Variants in MACROD2 observed in about 807,000 individuals in gnomAD.
The protein encoded by MACROD2 is ADP-ribose glycohydrolase MACROD2.
Under a neutral mutation model 70.4 loss-of-function variants are expected in MACROD2, and 36 were observed. The observed-to-expected ratio is 0.51, with a 90% CI of 0.39 to 0.68. The LOEUF (loss-of-function observed/expected upper bound fraction) is 0.68, where lower values mean the gene tolerates loss of function less well. Ranked by LOEUF, MACROD2 falls within the 30% of genes least tolerant of loss-of-function variation. MACROD2 has a pLI of 0.00. For missense variants in MACROD2, 496 were observed against 538.4 expected, an observed-to-expected ratio of 0.92 and a Z score of 0.78; for synonymous variants, 172 against 178.8, an observed-to-expected ratio of 0.96 and a Z score of 0.30.
intron 6 of MACROD2, among the ~76,000 whole-genome samples, chr20:15,289,521 G>A (rs549922876): frequency 6.6e-5 from 10 of 152,286 alleles, no homozygotes; most frequent in Non-Finnish European, 1.5e-4. Flanking sequence ...GGTGCACATC[G>A]GGGCTAGAGT....
At chr20:14,781,457 G>C (rs6110431) in intron 5 of MACROD2, among the ~76,000 whole-genome samples, 97,132 of 145,094 alleles carry the variant, frequency 0.67, 32,954 homozygotes, top group African/African-American at 0.73. Context: ...CTTGGTTCTT[G>C]CCTTAGTGAC....
intron 5 of MACROD2, among the ~76,000 whole-genome samples, chr20:15,193,735 C>T (rs2076586869): frequency 6.6e-6 from 1 of 151,822 alleles, no homozygotes; most frequent in Non-Finnish European, 1.5e-5. Flanking sequence ...TCTCATTTCC[C>T]CAGCCCCGCT....
intron 5 of MACROD2, among the ~76,000 whole-genome samples, chr20:14,969,966 T>C (rs1313204573): frequency 6.6e-6 from 1 of 151,564 alleles, no homozygotes; most frequent in Non-Finnish European, 1.5e-5. Flanking sequence ...ATCCTTGTCC[T>C]CTTCCATCAT....
chr20:14,671,409 A>C (rs1020296502), intron 4 of MACROD2, among the ~76,000 whole-genome samples: 1 of 152,166 alleles, frequency 6.6e-6, no homozygotes, highest in Non-Finnish European at 1.5e-5. Context: ...TTAAGGGTCT[A>C]CTGTAAACAT....
At chr20:15,372,153 CCACT>C (rs1395111838) in intron 6 of MACROD2, among the ~76,000 whole-genome samples, 4 of 152,174 alleles carry the variant, frequency 2.6e-5, no homozygotes, top group Non-Finnish European at 4.4e-5. Context: ...AAAGTACTTT[CCACT>C]CACTCACTAG....
chr20:15,592,843 G>A (rs1405533419), intron 8 of MACROD2, among the ~76,000 whole-genome samples: 1 of 152,128 alleles, frequency 6.6e-6, no homozygotes, highest in Admixed American at 6.5e-5. Flanking sequence ...TACAGGCCTA[G>A]GTTCATTTTT....
intron 8 of MACROD2, among the ~76,000 whole-genome samples, chr20:15,784,976 G>A (rs544342768): frequency 6.9e-5 from 10 of 144,932 alleles, no homozygotes; most frequent in South Asian, 4.4e-4. Context: ...GTGAAACCAC[G>A]TCTCTACTAA....
At chr20:15,963,239 A>G (rs1164877861) in intron 12 of MACROD2, among the ~76,000 whole-genome samples, 1 of 152,042 alleles carries the variant, frequency 6.6e-6, no homozygotes, top group Non-Finnish European at 1.5e-5. Context: ...CATTACAGAG[A>G]AAGACTATTT....
Position 15,429,876 on chromosome 20 carries a change from T to C in MACROD2, c.541-1529T>C, listed in dbSNP as rs894995529. On this transcript the variant is annotated intron_variant, in intron 6 of 17. Transcript: ENST00000684519. ...ACTAGGCTTTTAGTGTAACCGTCAC[T>C]CTAACAGTGTACATATACTGTACCC... Among the ~76,000 whole-genome samples, 13 of 152,196 alleles carry C rather than the reference T, an allele frequency of 8.5e-5. No homozygotes were observed. The East Asian group carries it at 2.5e-3, about 29-fold the overall frequency.
chr20:14,243,092 A>G (rs1441028373), intron 3 of MACROD2, among the ~76,000 whole-genome samples: 2 of 152,170 alleles, frequency 1.3e-5, no homozygotes, highest in African/African-American at 4.8e-5. Context: ...CTTTGGAGAT[A>G]TGCTTGAGGA....
chr20:14,186,231 C>T (rs1376830286), intron 3 of MACROD2, among the ~76,000 whole-genome samples: 1 of 152,102 alleles, frequency 6.6e-6, no homozygotes, highest in African/African-American at 2.4e-5. Flanking sequence ...TTAGTTGTTA[C>T]CAGATTAACA....
intron 3 of MACROD2, among the ~76,000 whole-genome samples, chr20:14,128,818 T>G (rs2054684186): frequency 6.6e-6 from 1 of 152,208 alleles, no homozygotes; most frequent in South Asian, 2.1e-4. Context: ...CTGCCTGTGT[T>G]CTATAAGCAG....
intron 6 of MACROD2, among the ~76,000 whole-genome samples, chr20:15,350,407 G>A (rs1208245777): frequency 1.3e-5 from 2 of 152,156 alleles, no homozygotes; most frequent in African/African-American, 4.8e-5. Flanking sequence ...CATAAATAGA[G>A]TCAACTTTTA....
At chr20:14,121,418 A>T (rs2054587603) in intron 3 of MACROD2, among the ~76,000 whole-genome samples, 1 of 152,166 alleles carries the variant, frequency 6.6e-6, no homozygotes, top group Non-Finnish European at 1.5e-5. Context: ...TTGCTTTGTT[A>T]CTGGTACTTA....
intron 8 of MACROD2, among the ~76,000 whole-genome samples, chr20:15,530,716 C>CAAAAAAAA (rs57826871): frequency 2.2e-5 from 2 of 90,564 alleles, no homozygotes; most frequent in African/African-American, 7.7e-5. Context: ...CTCCATCTCA[C>CAAAAAAAA]AAAAAAAAAA....
At chr20:15,632,738 A>T (rs1183753158) in intron 8 of MACROD2, among the ~76,000 whole-genome samples, 1 of 152,120 alleles carries the variant, frequency 6.6e-6, no homozygotes, top group African/African-American at 2.4e-5. Flanking sequence ...AGTCTAATGT[A>T]AAACAACACG....
chr20:16,034,872 C>T (rs1320221334), intron 15 of MACROD2, among the ~76,000 whole-genome samples: 2 of 151,234 alleles, frequency 1.3e-5, no homozygotes, highest in Non-Finnish European at 2.9e-5. Flanking sequence ...TTTGCGTCCT[C>T]ATAGCTTAGC....
chr20:15,303,171 C>T (rs1194645092), intron 6 of MACROD2, among the ~76,000 whole-genome samples: 2 of 152,144 alleles, frequency 1.3e-5, no homozygotes, highest in Non-Finnish European at 2.9e-5. Context: ...TCTTTGACAT[C>T]TTGCATTCTT....
chr20:14,939,262 T>C (rs976127265), intron 5 of MACROD2, among the ~76,000 whole-genome samples: 1 of 152,124 alleles, frequency 6.6e-6, no homozygotes, highest in African/African-American at 2.4e-5. Flanking sequence ...TTTGATTTGA[T>C]TTTTATATAT....
Sources: gnomAD v4.1 joint callset for allele counts (sites outside exome capture counted in the v4.1 genomes callset) on GRCh38, gnomAD v4.1.1 for gene constraint, MANE v1.5 for transcripts, NCBI Gene and HGNC (gene_info 2026-07-23, HGNC 2026-07-21) for gene names.